The following KCNH8 variants were observed in gnomAD, a reference collection of about 807,000 sequenced individuals.
The protein encoded by KCNH8 is voltage-gated delayed rectifier potassium channel KCNH8.
In KCNH8, 70 loss-of-function variants were observed where a neutral mutation model predicts 103.6. The ratio of observed to expected loss-of-function variants is 0.68; its 90% confidence interval spans 0.56 to 0.82. KCNH8 has a LOEUF of 0.82. Ranked by LOEUF, KCNH8 falls within the 40% of genes least tolerant of loss-of-function variation. KCNH8 has a pLI of 0.00. For missense variants in KCNH8, 1,217 were observed against 1,329.9 expected, an observed-to-expected ratio of 0.92 and a Z score of 1.32; for synonymous variants, 498 against 489.4, an observed-to-expected ratio of 1.02 and a Z score of -0.23.
chr3:19,158,205 A>G (rs1048906785), intron 1 of KCNH8, among the ~76,000 whole-genome samples: 78 of 151,490 alleles, frequency 5.1e-4, no homozygotes, highest in African/African-American at 1.8e-3. Flanking sequence ...TTTCCTAACA[A>G]TGTTATTCAA....
chr3:19,167,320 GT>G (rs1261924363), intron 1 of KCNH8, among the ~76,000 whole-genome samples: 1 of 152,166 alleles, frequency 6.6e-6, no homozygotes, highest in Non-Finnish European at 1.5e-5. Context: ...AGCAATGTTG[GT>G]TTTGCTAACG....
At chr3:19,316,678 G>T (rs997572598) in intron 3 of KCNH8, among the ~76,000 whole-genome samples, 1 of 151,866 alleles carries the variant, frequency 6.6e-6, no homozygotes, top group African/African-American at 2.4e-5. Context: ...TATTGATTCT[G>T]CTCTTCAACC....
intron 3 of KCNH8, among the ~76,000 whole-genome samples, chr3:19,290,422 T>C (rs1425667956): frequency 6.6e-6 from 1 of 152,240 alleles, no homozygotes; most frequent in East Asian, 1.9e-4. Flanking sequence ...TAACGTCCCA[T>C]CAATACCTAA....
intron 5 of KCNH8, 41 bp from the exon 6 acceptor site, chr3:19,390,440 G>C (rs1200083801): frequency 1.4e-6 from 2 of 1,464,088 alleles, no homozygotes; most frequent in Non-Finnish European, 1.9e-6. Context: ...ATTCTTCTCT[G>C]TCTCTTCCTT....
At position 19,318,297 on chromosome 3, in the gene KCNH8, G is replaced by A. The variant is rs535819084; in HGVS notation, c.443-24290G>A. 1.8e-4 allele frequency among the ~76,000 whole-genome samples: 27 copies of A among 151,680 alleles called. 1 individual carries two copies. In the South Asian group the frequency reaches 4.2e-3, roughly 23 times the overall value. On this transcript the variant is annotated intron_variant, in intron 3 of 15. Transcript: ENST00000328405. ...TTATTTTATTTTATTTATTTCAATA[G>A]GTTTTGGAGAAACAAGTGGTGTTTG...
chr3:19,172,300 T>A (rs1272498091), intron 1 of KCNH8, among the ~76,000 whole-genome samples: 1 of 152,232 alleles, frequency 6.6e-6, no homozygotes, highest in South Asian at 2.1e-4. Context: ...TTTTTACTTA[T>A]ATACTTCTCT....
intron 1 of KCNH8, among the ~76,000 whole-genome samples, chr3:19,182,220 T>G (rs2125203200): frequency 6.6e-6 from 1 of 152,234 alleles, no homozygotes; most frequent in East Asian, 1.9e-4. Flanking sequence ...AATGGAACAT[T>G]AGCAAATCTT....
At chr3:19,251,149 T>A (rs954934557) in intron 1 of KCNH8, among the ~76,000 whole-genome samples, 3 of 152,086 alleles carry the variant, frequency 2.0e-5, no homozygotes, top group African/African-American at 7.2e-5. Context: ...AGTAGGAGGG[T>A]GCCCCCCTCT....
At chr3:19,223,097 TG>T (rs2063893704) in intron 1 of KCNH8, among the ~76,000 whole-genome samples, 1 of 152,142 alleles carries the variant, frequency 6.6e-6, no homozygotes, top group South Asian at 2.1e-4. Flanking sequence ...GAGAGTGCTA[TG>T]GGAATTGAAG....
chr3:19,463,081 T>C (rs2067666979), intron 11 of KCNH8, among the ~76,000 whole-genome samples: 1 of 152,162 alleles, frequency 6.6e-6, no homozygotes, highest in Admixed American at 6.6e-5. Flanking sequence ...GAATTTACAT[T>C]GTATTAGGTA....
intron 7 of KCNH8, among the ~76,000 whole-genome samples, chr3:19,404,696 A>G (rs145466651): frequency 1.3e-5 from 2 of 152,030 alleles, no homozygotes; most frequent in Admixed American, 1.3e-4. Flanking sequence ...GAATAAAATG[A>G]AAAGAGATTT....
At chr3:19,360,652 C>T (rs1383227737) in intron 5 of KCNH8, among the ~76,000 whole-genome samples, 1 of 151,966 alleles carries the variant, frequency 6.6e-6, no homozygotes, top group Non-Finnish European at 1.5e-5. Context: ...ATAATGCCTT[C>T]TTATTCTCTA....
chr3:19,480,696 G>A (rs966091285), intron 11 of KCNH8, among the ~76,000 whole-genome samples: 1 of 152,112 alleles, frequency 6.6e-6, no homozygotes, highest in Non-Finnish European at 1.5e-5. Flanking sequence ...TGCAATTCAA[G>A]CTCAATAGTA....
rs1055766407 is a variant in KCNH8 at position 19,289,681 on chromosome 3, G to T, written c.442+8352G>T. Among the ~76,000 whole-genome samples the T allele has an allele frequency of 2.6e-4, 40 of 151,990 alleles. 1 individual carries two copies. ...GCGTCATGCCTCCAGCTTTTGGCTG[G>T]AGGATTCCAGCCAAATCTTTTGGCT... On this transcript the variant is annotated intron_variant, in intron 3 of 15. Transcript: ENST00000328405.
chr3:19,376,323 C>A lies in KCNH8; in HGVS notation c.812-14158C>A, dbSNP rs150515977. ...GTGGTGCGCCATTTTTGAAGCCGGT[C>A]GGAAAAGCGCAGTATTCGGGTAGGA... is the stretch of plus-strand genomic sequence containing the variant. On this transcript the variant is annotated intron_variant, in intron 5 of 15. Coordinates refer to ENST00000328405, the MANE Select transcript of KCNH8 (RefSeq NM_144633.3). Among the ~76,000 whole-genome samples, 108 of 152,268 alleles carry A rather than the reference C, an allele frequency of 7.1e-4. 1 individual carries two copies. In the East Asian group the frequency reaches 0.012, roughly 17 times the overall value.
intron 5 of KCNH8, among the ~76,000 whole-genome samples, chr3:19,366,307 A>G (rs1454522734): frequency 6.6e-6 from 1 of 152,016 alleles, no homozygotes; most frequent in Non-Finnish European, 1.5e-5. Context: ...TATTTGTCTG[A>G]TGGATTCAAA....
intron 7 of KCNH8, among the ~76,000 whole-genome samples, chr3:19,421,094 C>T (rs1455393795): frequency 3.3e-5 from 5 of 152,028 alleles, no homozygotes; most frequent in Non-Finnish European, 5.9e-5. Flanking sequence ...ATTGGTGAAA[C>T]AACTACTTTT....
chr3:19,170,547 A>G (rs992353651), intron 1 of KCNH8, among the ~76,000 whole-genome samples: 15 of 148,468 alleles, frequency 1.0e-4, no homozygotes, highest in Admixed American at 9.5e-4. Flanking sequence ...TTCAATGTTC[A>G]GTCTTCCTTC....
At chr3:19,158,102 G>A (rs563719048) in intron 1 of KCNH8, among the ~76,000 whole-genome samples, 30 of 151,108 alleles carry the variant, frequency 2.0e-4, no homozygotes, top group African/African-American at 5.3e-4. Flanking sequence ...TTTATTTTAC[G>A]TATTCAATTT....
Sources: allele counts gnomAD v4.1 joint callset (sites outside exome capture counted in the v4.1 genomes callset), GRCh38; gene constraint gnomAD v4.1.1; transcripts MANE v1.5; gene names NCBI Gene and HGNC (gene_info 2026-07-23, HGNC 2026-07-21).